GALNT13: variants seen among roughly 807,000 people sequenced by gnomAD.
The protein encoded by GALNT13 is polypeptide N-acetylgalactosaminyltransferase 13, also known as UDP-GalNAc:polypeptide N-acetylgalactosaminyltransferase 13.
A neutral mutation model predicts 64.2 loss-of-function variants in GALNT13; 28 were observed. That is an observed-to-expected ratio of 0.44 (90% CI 0.32 to 0.60). The LOEUF is 0.60. Ranked by LOEUF, GALNT13 falls within the 20% of genes least tolerant of loss-of-function variation. The pLI is 0.05. For missense variants in GALNT13, 577 were observed against 669.8 expected (o/e 0.86, Z 1.53); for synonymous variants, 214 against 224.6 (o/e 0.95, Z 0.42).
the GALNT13 span, among the ~76,000 whole-genome samples, chr2:153,336,385 A>T: frequency 6.6e-6 from 1 of 152,044 alleles, no homozygotes; most frequent in Non-Finnish European, 1.5e-5. Flanking sequence ...AGCCACAGGG[A>T]CGTAGCTGCC....
At chr2:153,315,959 GA>G in the GALNT13 span, among the ~76,000 whole-genome samples, 124,047 of 151,860 alleles carry the variant, frequency 0.82, 51,664 homozygotes, top group African/African-American at 0.9. Context: ...TCAGTAATAA[GA>G]AAAAAGAATC....
the GALNT13 span, among the ~76,000 whole-genome samples, chr2:153,122,177 A>C: frequency 6.6e-6 from 1 of 152,134 alleles, no homozygotes; most frequent in Admixed American, 6.5e-5. Flanking sequence ...TAGTTCCTCT[A>C]GAATGAGGTA....
At chr2:153,441,749 G>A in the GALNT13 span, among the ~76,000 whole-genome samples, 1 of 152,054 alleles carries the variant, frequency 6.6e-6, no homozygotes, top group Non-Finnish European at 1.5e-5. Context: ...CTCTCTGCTT[G>A]TCTATTATTG....
At chr2:153,122,974 C>T in the GALNT13 span, among the ~76,000 whole-genome samples, 7 of 151,354 alleles carry the variant, frequency 4.6e-5, no homozygotes, top group African/African-American at 1.7e-4. Context: ...GATGAGGGAA[C>T]TGGAGGTACA....
At chr2:153,822,206 A>G in the GALNT13 span, among the ~76,000 whole-genome samples, 1 of 152,174 alleles carries the variant, frequency 6.6e-6, no homozygotes, top group African/African-American at 2.4e-5. Flanking sequence ...GAAATTGAGG[A>G]GGAGAGACTC....
intron 3 of GALNT13, among the ~76,000 whole-genome samples, chr2:154,019,594 G>A (rs1197807629): frequency 7.3e-6 from 1 of 137,312 alleles, no homozygotes; most frequent in Admixed American, 7.8e-5. Flanking sequence ...TGGCCACAGA[G>A]TAAGACTCCA....
At chr2:153,773,884 G>A in the GALNT13 span, among the ~76,000 whole-genome samples, 23 of 152,030 alleles carry the variant, frequency 1.5e-4, no homozygotes, top group Admixed American at 1.4e-3. Context: ...ATTATATATA[G>A]CTCAAATTAT....
At chr2:153,958,865 C>T (rs757037575) in intron 3 of GALNT13, among the ~76,000 whole-genome samples, 1 of 152,150 alleles carries the variant, frequency 6.6e-6, no homozygotes, top group Non-Finnish European at 1.5e-5. Context: ...ACCTCAGAGG[C>T]CCTGAATTGC....
chr2:153,349,949 T>C, the GALNT13 span, among the ~76,000 whole-genome samples: 1 of 152,106 alleles, frequency 6.6e-6, no homozygotes, highest in Non-Finnish European at 1.5e-5. Context: ...AACAATTATC[T>C]CAAAAAATTT....
At chr2:153,614,384 G>A in the GALNT13 span, among the ~76,000 whole-genome samples, 1 of 151,948 alleles carries the variant, frequency 6.6e-6, no homozygotes, top group South Asian at 2.1e-4. Flanking sequence ...TTATTAATAT[G>A]ACTTGCCGTT....
At chr2:153,341,593 A>G in the GALNT13 span, among the ~76,000 whole-genome samples, 1 of 152,186 alleles carries the variant, frequency 6.6e-6, no homozygotes. Context: ...GGAAATCCAC[A>G]AAGTGGTAAG....
intron 3 of GALNT13, among the ~76,000 whole-genome samples, chr2:153,964,670 A>G (rs151012551): frequency 0.012 from 1,823 of 152,200 alleles, 25 homozygotes; most frequent in Non-Finnish European, 0.015. Flanking sequence ...AATGAAAAAT[A>G]TATTTTGTTA....
the GALNT13 span, among the ~76,000 whole-genome samples, chr2:153,248,962 A>AG: frequency 5.3e-5 from 8 of 152,166 alleles, no homozygotes; most frequent in African/African-American, 1.9e-4. Flanking sequence ...CCCCTTGAAA[A>AG]CTGGCACAAG....
intron 4 of GALNT13, among the ~76,000 whole-genome samples, chr2:154,193,103 G>A (rs1686687331): frequency 6.6e-6 from 1 of 152,150 alleles, no homozygotes; most frequent in South Asian, 2.1e-4. Flanking sequence ...TCTTAGCAAG[G>A]AACTATTCAC....
At chr2:153,264,815 C>G in the GALNT13 span, among the ~76,000 whole-genome samples, 1 of 152,132 alleles carries the variant, frequency 6.6e-6, no homozygotes, top group Non-Finnish European at 1.5e-5. Flanking sequence ...GGCAGAGCAT[C>G]AGGAAAAACA....
At chr2:153,826,098 A>G in the GALNT13 span, among the ~76,000 whole-genome samples, 1 of 152,012 alleles carries the variant, frequency 6.6e-6, no homozygotes, top group African/African-American at 2.4e-5. Context: ...CATAAAATTT[A>G]TTTTTTATAC....
At chr2:154,356,272 G>A (rs1352321669) in intron 9 of GALNT13, among the ~76,000 whole-genome samples, 1 of 151,920 alleles carries the variant, frequency 6.6e-6, no homozygotes, top group East Asian at 1.9e-4. Flanking sequence ...TTGAAGAAAT[G>A]TGTCTCTGGT....
intron 7 of GALNT13, among the ~76,000 whole-genome samples, chr2:154,251,930 TA>T (rs897630008): frequency 2.6e-5 from 4 of 152,248 alleles, no homozygotes; most frequent in Non-Finnish European, 5.9e-5. Flanking sequence ...TTTTATAATT[TA>T]AAAAAATCAG....
At chr2:153,552,440 T>C in the GALNT13 span, among the ~76,000 whole-genome samples, 2 of 152,220 alleles carry the variant, frequency 1.3e-5, no homozygotes, top group South Asian at 4.1e-4. Flanking sequence ...AAATGCACAA[T>C]GTGGACATAG....
Sources: allele counts gnomAD v4.1 joint callset (sites outside exome capture counted in the v4.1 genomes callset), GRCh38; gene constraint gnomAD v4.1.1; transcripts MANE v1.5; gene names NCBI Gene and HGNC (gene_info 2026-07-23, HGNC 2026-07-21).